Variants in ASB18 observed in about 807,000 individuals in gnomAD.
The protein encoded by ASB18 is ankyrin repeat and SOCS box containing 18.
Under a neutral mutation model 33.4 loss-of-function variants are expected in ASB18, and 33 were observed. The ratio of observed to expected loss-of-function variants is 0.99; its 90% confidence interval spans 0.75 to 1.32. The LOEUF (loss-of-function observed/expected upper bound fraction) is 1.32. Among genes scored for constraint, ASB18 ranks in the 40% most tolerant of loss-of-function variants. ASB18 has a pLI of 0.00. For missense variants in ASB18, 694 were observed against 655.5 expected (o/e 1.06, Z -0.64); for synonymous variants, 295 against 307.6 (o/e 0.96, Z 0.43).
At chr2:236,232,409 T>A (rs1435728213) in intron 3 of ASB18, among the ~76,000 whole-genome samples, 1 of 151,996 alleles carries the variant, frequency 6.6e-6, no homozygotes, top group Non-Finnish European at 1.5e-5. Flanking sequence ...AGTTCCTGAC[T>A]CAGTGACATT....
chr2:236,214,482 G>A lies in ASB18; in HGVS notation c.981C>T (p.Ala327=). 6.7e-7 allele frequency: 1 copy of A among 1,502,468 alleles called. No homozygotes were observed. The highest frequency in any genetic ancestry group is 8.8e-7 in the Non-Finnish European group (1 of 1,132,062). 93.1% of individuals were successfully genotyped at this position (1,502,468 alleles called of 1,614,324 possible). A position where few individuals can be genotyped will look rare whatever the true frequency, so the allele number is the denominator to read the frequency against. ...TCTGGAGCACGCGGCCCAGCGGCGA[G>A]GCCCCGCCATAGTCGAGCGCGCCCG... is the stretch of plus-strand genomic sequence containing the variant. ...ADAGALDYGG[A]SPLGRVLQTA... Residue 327 remains alanine, a synonymous_variant, in exon 4 of 6, where the codon GCC becomes GCT. Coordinates refer to ENST00000409749, the MANE Select transcript of ASB18 (RefSeq NM_212556.4). The surrounding 1 kb of genome is among the most constrained non-coding windows in gnomAD (Gnocchi z 6.5).
intron 4 of ASB18, among the ~76,000 whole-genome samples, chr2:236,210,052 A>C (rs1285628154): frequency 1.3e-5 from 2 of 152,228 alleles, no homozygotes; most frequent in African/African-American, 4.8e-5. Flanking sequence ...TTCAAGGTGA[A>C]GTGAGCCTCG....
chr2:236,243,600 G>C (rs927320813), intron 1 of ASB18, among the ~76,000 whole-genome samples: 1 of 152,052 alleles, frequency 6.6e-6, no homozygotes, highest in Non-Finnish European at 1.5e-5. Flanking sequence ...GACATGATCT[G>C]GGGCCCTGGT....
chr2:236,193,935 G>T lies in ASB18; in HGVS notation c.*937C>A, dbSNP rs768410175. ...TTGTCCCAGTGTTGTGTGTGGGTGG[G>T]TGGGTGTGGGGGTGTGTGAGCACCC... On this transcript the variant is annotated 3_prime_UTR_variant, in exon 6 of 6. Transcript: ENST00000409749. This position sits in a 1 kb window ranked among gnomAD's most constrained non-coding sequence, Gnocchi z 5.0. 6.6e-6 allele frequency among the ~76,000 whole-genome samples: 1 copy of T among 152,100 alleles called. No homozygotes were observed. Among genetic ancestry groups the T allele is most frequent in the Non-Finnish European group, 1.5e-5 (1 of 68,018 alleles).
rs1252399103 is a variant in ASB18 at position 236,236,255 on chromosome 2, TA to T, written c.596+1433del. Among the ~76,000 whole-genome samples the T allele has an allele frequency of 2.0e-5, 3 of 152,160 alleles. No homozygotes were observed. The East Asian group carries it at 5.8e-4, about 29-fold the overall frequency. ...ACAGCAACACAGATGAATCTTAAAA[TA>T]ATTATGTCGAGCGAGAGAAGCCAGA... On this transcript the variant is annotated intron_variant, in intron 3 of 5. Coordinates refer to ENST00000409749, the MANE Select transcript of ASB18 (RefSeq NM_212556.4).
Position 236,214,916 on chromosome 2 carries a change from C to G in ASB18, c.597-50G>C. ...TCGGGCGCCACGCAGGACGCCCGCA[C>G]CCTTCCACCCCCGGCCTGCTGCTGC... On this transcript the variant is annotated intron_variant, in intron 3 of 5. Coordinates refer to ENST00000409749, the MANE Select transcript of ASB18 (RefSeq NM_212556.4). This position sits in a 1 kb window ranked among gnomAD's most constrained non-coding sequence, Gnocchi z 6.5. 3 of 1,197,688 alleles carry G rather than the reference C, an allele frequency of 2.5e-6. No homozygotes were observed. The highest frequency in any genetic ancestry group is 3.1e-6 in the Non-Finnish European group (3 of 965,242). The allele number at this position is 1,197,688 out of a possible 1,614,324, so 74.2% of individuals were successfully genotyped here. A position where few individuals can be genotyped will look rare whatever the true frequency, so the allele number is the denominator to read the frequency against.
Position 236,214,211 on chromosome 2 carries a change from G to T in ASB18, c.1101+151C>A. The T allele has an allele frequency of 1.2e-6, 1 of 819,974 alleles. No homozygotes were observed. The highest frequency in any genetic ancestry group is 1.8e-6 in the Non-Finnish European group (1 of 549,038). 50.8% of individuals were successfully genotyped at this position (819,974 alleles called of 1,614,324 possible). ...TGGCAATGCAGGCTCTCCCACCCCA[G>T]ACCGGCAGAGCAGATTCTGCATTTT... On this transcript the variant is annotated intron_variant, in intron 4 of 5. Transcript: ENST00000409749. The surrounding 1 kb of genome is among the most constrained non-coding windows in gnomAD (Gnocchi z 6.5).
Position 236,194,164 on chromosome 2 carries a change from C to T in ASB18, c.*708G>A, listed in dbSNP as rs1005337615. The stretch of plus-strand genomic sequence containing the variant: ...TCCAAATGCATGACAATAAATGATG[C>T]GGTATGAGAGGGCCTAGCAAGCCTG... On this transcript the variant is annotated 3_prime_UTR_variant, in exon 6 of 6. Transcript: ENST00000409749. This position sits in a 1 kb window ranked among gnomAD's most constrained non-coding sequence, Gnocchi z 4.5. Among the ~76,000 whole-genome samples the T allele has an allele frequency of 2.0e-5, 3 of 152,178 alleles. No individual in the cohort carries two copies. The highest frequency in any genetic ancestry group is 6.5e-5 in the Admixed American group (1 of 15,280).
rs1203538093 is a variant in ASB18, at chr2:236,256,985, G to A, written c.205+7156C>T. ...TTCTGTATTTAAAGAGAGGGCTGCT[G>A]CAGCAGCCATTTTGTTCCTAAATAA... On this transcript the variant is annotated intron_variant, in intron 1 of 5. Transcript: ENST00000409749. This position sits in a 1 kb window ranked among gnomAD's most constrained non-coding sequence, Gnocchi z 4.7. 6.6e-6 allele frequency among the ~76,000 whole-genome samples: 1 copy of A among 152,180 alleles called. No individual in the cohort carries two copies. Among genetic ancestry groups the A allele is most frequent in the Non-Finnish European group, 1.5e-5 (1 of 68,032 alleles).
In ASB18 at chr2:236,248,674, CA is replaced by C. The variant is rs2060655680; in HGVS notation, c.206-7273del. 1 of 152,150 alleles carries C rather than the reference CA, an allele frequency of 6.6e-6. No homozygotes were observed. Among genetic ancestry groups the C allele is most frequent in the South Asian group, 2.1e-4 (1 of 4,818 alleles). The allele number at this position is 152,150 out of a possible 1,614,324, so 9.4% of individuals were successfully genotyped here. A position where few individuals can be genotyped will look rare whatever the true frequency, so the allele number is the denominator to read the frequency against. On this transcript the variant is annotated intron_variant, in intron 1 of 5. Transcript: ENST00000409749. This position sits in a 1 kb window ranked among gnomAD's most constrained non-coding sequence, Gnocchi z 4.9. The stretch of plus-strand genomic sequence containing the variant: ...GGTTGAGAACCATTGCTGTGAAAGG[CA>C]ACCATGGAATCCGTGACCCTTGCAA...
chr2:236,255,436 G>A lies in ASB18; in HGVS notation c.205+8705C>T, dbSNP rs1319905119. Among the ~76,000 whole-genome samples the A allele has an allele frequency of 6.6e-6, 1 of 152,274 alleles. No homozygotes were observed. The highest frequency in any genetic ancestry group is 2.4e-5 in the African/African-American group (1 of 41,540). On this transcript the variant is annotated intron_variant, in intron 1 of 5. Transcript: ENST00000409749. The surrounding 1 kb of genome is among the most constrained non-coding windows in gnomAD (Gnocchi z 4.4). ...TGGGATTAGAGGTGTGAGCCACTGC[G>A]CCTGGCCTGGTATTTCTTTATCACA...
Position 236,200,940 on chromosome 2 carries a change from T to C in ASB18, c.1102-4555A>G, listed in dbSNP as rs373569085. ...TATCATTATTAACTCCTTTCTCCTA[T>C]CTCCTTAGGTATGTTTTGTTTGTCT... is the stretch of plus-strand genomic sequence containing the variant. On this transcript the variant is annotated intron_variant, in intron 4 of 5. Coordinates refer to ENST00000409749, the MANE Select transcript of ASB18 (RefSeq NM_212556.4). The surrounding 1 kb of genome is among the most constrained non-coding windows in gnomAD (Gnocchi z 4.2). 3.3e-5 allele frequency among the ~76,000 whole-genome samples: 5 copies of C among 152,318 alleles called. No homozygotes were observed. The South Asian group carries it at 6.2e-4, about 19-fold the overall frequency.
Position 236,241,723 on chromosome 2 carries a change from A to G in ASB18, c.206-321T>C, listed in dbSNP as rs1320896221. 6.6e-6 allele frequency among the ~76,000 whole-genome samples: 1 copy of G among 152,178 alleles called. No homozygotes were observed. The highest frequency in any genetic ancestry group is 1.5e-5 in the Non-Finnish European group (1 of 68,040). On this transcript the variant is annotated intron_variant, in intron 1 of 5. Coordinates refer to ENST00000409749, the MANE Select transcript of ASB18 (RefSeq NM_212556.4). This position sits in a 1 kb window ranked among gnomAD's most constrained non-coding sequence, Gnocchi z 4.2. Reference sequence around the variant, plus strand: ...TGAGCACTGGGATGCCGCAGTACTCAGCCACCCTCTTTGTGATGATACAGA... The same window carrying G: ...TGAGCACTGGGATGCCGCAGTACTCGGCCACCCTCTTTGTGATGATACAGA...
Position 236,204,044 on chromosome 2 carries a change from TAGG to T in ASB18, c.1102-7662_1102-7660del, listed in dbSNP as rs1335661114. 2.6e-5 allele frequency among the ~76,000 whole-genome samples: 4 copies of T among 151,842 alleles called. No individual in the cohort carries two copies. The highest frequency in any genetic ancestry group is 5.9e-5 in the Non-Finnish European group (4 of 67,954). On this transcript the variant is annotated intron_variant, in intron 4 of 5. Transcript: ENST00000409749. The surrounding 1 kb of genome is among the most constrained non-coding windows in gnomAD (Gnocchi z 5.1). ...CCTCAGGTGGTGGCAGTCAGGAGGG[TAGG>T]AGATTTTGAGATATATTTAGGGGGA...
rs2060515246 is a variant in ASB18, at chr2:236,222,066, G to A, written c.597-7200C>T. Among the ~76,000 whole-genome samples, 1 of 152,176 alleles carries A rather than the reference G, an allele frequency of 6.6e-6. No individual in the cohort carries two copies. Among genetic ancestry groups the A allele is most frequent in the Admixed American group, 6.5e-5 (1 of 15,278 alleles). On this transcript the variant is annotated intron_variant, in intron 3 of 5. Coordinates refer to ENST00000409749, the MANE Select transcript of ASB18 (RefSeq NM_212556.4). This position sits in a 1 kb window ranked among gnomAD's most constrained non-coding sequence, Gnocchi z 5.5. ...AGCTGCTGCAGGAAGGTTTCCTCCT[G>A]TGGCTCTATGCCCCAGCTGACTCCG...
rs1015800358 is a variant in ASB18 at position 236,214,616 on chromosome 2, C to T, written c.847G>A (p.Gly283Arg). The change falls in exon 4 of 6, where the codon GGG (glycine) becomes AGG (arginine). Residue 283 changes from glycine to arginine, a missense_variant. Coordinates refer to ENST00000409749, the MANE Select transcript of ASB18 (RefSeq NM_212556.4). The surrounding 1 kb of genome is among the most constrained non-coding windows in gnomAD (Gnocchi z 6.5). ...LRLCALLLRR[G>R]AEADARDEDE... Reference sequence around the variant, plus strand: ...TCGTCGCGCGCGTCCGCCTCCGCCCCGCGCCGCAGCAGCAGCGCGCACAGG... The same window carrying T: ...TCGTCGCGCGCGTCCGCCTCCGCCCTGCGCCGCAGCAGCAGCGCGCACAGG... 370 of 1,208,904 alleles carry T rather than the reference C, an allele frequency of 3.1e-4. No individual in the cohort carries two copies. Among genetic ancestry groups the T allele is most frequent in the Middle Eastern group, 1.0e-3 (3 of 2,990 alleles). 74.9% of individuals were successfully genotyped at this position (1,208,904 alleles called of 1,614,324 possible).
intron 2 of ASB18, among the ~76,000 whole-genome samples, chr2:236,240,820 C>T (rs1243278551): frequency 7.2e-5 from 11 of 152,234 alleles, no homozygotes; most frequent in Admixed American, 7.2e-4. Context: ...TACAGAGAGT[C>T]CTGGGGTCCT....
intron 4 of ASB18, among the ~76,000 whole-genome samples, chr2:236,207,090 C>T (rs1038875786): frequency 4.6e-5 from 7 of 152,166 alleles, no homozygotes; most frequent in East Asian, 1.9e-4. Context: ...TGGCTGAGTC[C>T]GACTAGAAGC....
At chr2:236,254,556 C>A (rs184323919) in intron 1 of ASB18, among the ~76,000 whole-genome samples, 296 of 147,580 alleles carry the variant, frequency 2.0e-3, no homozygotes, top group African/African-American at 7.4e-3. Flanking sequence ...TGTTATTATT[C>A]TTCTCTTCTC....
Sources: allele counts gnomAD v4.1 joint callset (sites outside exome capture counted in the v4.1 genomes callset), GRCh38; gene constraint gnomAD v4.1.1; non-coding constraint Gnocchi (gnomAD v3.1); transcripts MANE v1.5; gene names NCBI Gene and HGNC (gene_info 2026-07-23, HGNC 2026-07-21).